VBP1: variants seen among roughly 807,000 people sequenced by gnomAD.
VBP1 encodes the protein VHL binding protein 1, also known as prefoldin subunit 3.
A neutral mutation model predicts 15.5 loss-of-function variants in VBP1; 4 were observed. The observed-to-expected ratio is 0.26, with a 90% CI of 0.13 to 0.59. The LOEUF is 0.59. Among genes scored for constraint, VBP1 ranks in the 20% least tolerant of loss-of-function variants. The pLI is 0.90. For synonymous variants in VBP1, 61 were observed against 52.1 expected (o/e 1.17, Z -0.74); for missense variants, 108 against 139.6 (o/e 0.77, Z 1.14).
chrX:155,210,961 C>G (rs1337514989), intron 2 of VBP1, among the ~76,000 whole-genome samples: 1 of 111,729 alleles, frequency 9.0e-6, no homozygotes, highest in East Asian at 2.8e-4. Flanking sequence ...TATTTTTGAG[C>G]CATCATCTGT....
upstream of VBP1, among the ~76,000 whole-genome samples, chrX:155,212,508 G>A (rs2074648330): frequency 9.0e-6 from 1 of 111,548 alleles, no homozygotes; most frequent in Admixed American, 9.5e-5. Flanking sequence ...TAGTACTAGT[G>A]CCCTGATGAC....
chrX:155,220,188 T>A lies in VBP1; in HGVS notation c.99T>A (p.Asp33Glu). The A allele has an allele frequency of 1.7e-6, 2 of 1,195,603 alleles. No homozygotes were observed. The highest frequency in any genetic ancestry group is 2.3e-6 in the Non-Finnish European group (2 of 888,128). The change falls in exon 2 of 6, where the codon GAT becomes GAA. Residue 33 changes from aspartate (D) to glutamate (E), a missense_variant. Transcript: ENST00000286428. ...LGIPEAVFVE[D>E]VDSFMKQPGN... ...TATTATTTTTGATATTAAAGGAAGA[T>A]GTAGATTCCTTCATGAAACAGCCTG...
chrX:155,209,670 G>C (rs1039529642), intron 2 of VBP1, among the ~76,000 whole-genome samples: 2 of 111,778 alleles, frequency 1.8e-5, no homozygotes, highest in African/African-American at 6.5e-5. Context: ...TCAGAGTATT[G>C]TTTTCTAGAA....
At chrX:155,201,066 G>A (rs1271060143) in intron 1 of VBP1, among the ~76,000 whole-genome samples, 1 of 111,563 alleles carries the variant, frequency 9.0e-6, no homozygotes, top group African/African-American at 3.3e-5. Context: ...GCAGGAAGAA[G>A]TTGAATCTCT....
chrX:155,222,134 AAAAT>A (rs1231516714), intron 2 of VBP1, among the ~76,000 whole-genome samples: 3 of 112,703 alleles, frequency 2.7e-5, no homozygotes, highest in Non-Finnish European at 5.6e-5. Flanking sequence ...TTGAAAAAGA[AAAAT>A]AAAGCCATTG....
chrX:155,216,758 A>G (rs1285648741), intron 1 of VBP1, among the ~76,000 whole-genome samples, 183 bp downstream of exon 1: 1 of 111,926 alleles, frequency 8.9e-6, no homozygotes, highest in Non-Finnish European at 1.9e-5. Context: ...CCCGCCCGGA[A>G]GAAACGTAGC....
intron 2 of VBP1, among the ~76,000 whole-genome samples, chrX:155,223,818 G>A (rs1376853767): frequency 9.3e-6 from 1 of 107,148 alleles, no homozygotes; most frequent in Non-Finnish European, 1.9e-5. Context: ...CGGCTGGCCG[G>A]GCGGGGGCTG....
chrX:155,223,548 A>T (rs973556098), intron 2 of VBP1, among the ~76,000 whole-genome samples: 3 of 112,172 alleles, frequency 2.7e-5, no homozygotes, highest in Non-Finnish European at 5.6e-5. Context: ...CCCAAGGCAG[A>T]AGAATTTTTC....
chrX:155,211,756 GTGAGGGATTTAAAACAGATGTCTATC>G (rs2074645827), upstream of VBP1, among the ~76,000 whole-genome samples: 1 of 112,165 alleles, frequency 8.9e-6, no homozygotes, highest in East Asian at 2.8e-4. Context: ...CCAGGAGGCT[GTGAGGGATTTAAAACAGATGTCTATC>G]TGAGGGACCC....
At chrX:155,233,559 TCA>T (rs2074757049) in intron 4 of VBP1, among the ~76,000 whole-genome samples, 1 of 112,165 alleles carries the variant, frequency 8.9e-6, no homozygotes, top group African/African-American at 3.2e-5. Flanking sequence ...CTCATCAGAG[TCA>T]CAGATTCCAG....
In VBP1 at chrX:155,239,032, A is replaced by T. The variant is rs1557311922; in HGVS notation, c.*190A>T. On this transcript the variant is annotated 3_prime_UTR_variant, in exon 6 of 6. Coordinates refer to ENST00000286428, the MANE Select transcript of VBP1 (RefSeq NM_003372.7). ...TTGACATTGTGATTTTTTTTTCCAC[A>T]TTTCTCAGCAAAGCTAATGGTATTT... 8 of 326,080 alleles carry T rather than the reference A, an allele frequency of 2.5e-5. No individual in the cohort carries two copies. The highest frequency in any genetic ancestry group is 4.1e-5 in the Non-Finnish European group (8 of 193,366). The allele number at this position is 326,080 out of a possible 1,213,427, so 26.9% of individuals were successfully genotyped here.
chrX:155,206,126 A>G (rs1438974150), intron 1 of VBP1, among the ~76,000 whole-genome samples: 4 of 112,267 alleles, frequency 3.6e-5, no homozygotes, highest in Non-Finnish European at 7.5e-5. Context: ...GACAAGTGCC[A>G]TGGAGAAATT....
intron 1 of VBP1, among the ~76,000 whole-genome samples, chrX:155,199,675 T>G (rs1400177469): frequency 4.5e-5 from 5 of 111,018 alleles, no homozygotes; most frequent in Non-Finnish European, 1.9e-5. Flanking sequence ...TAAAGACCAT[T>G]GAGGCTAGGA....
rs1201075313 is a variant in VBP1 at position 155,221,061 on chromosome X, C to T, written c.218+754C>T. On this transcript the variant is annotated intron_variant, in intron 2 of 5. Transcript: ENST00000286428. ...TAAAAAATAATTAGGCTGGGCCCGGCGGCTCGCACCTGTAATCCCAGCACT... is the reference window on the plus strand; with the variant it reads ...TAAAAAATAATTAGGCTGGGCCCGGTGGCTCGCACCTGTAATCCCAGCACT... Among the ~76,000 whole-genome samples the T allele has an allele frequency of 9.1e-5, 10 of 109,753 alleles. No individual in the cohort carries two copies. In the South Asian group the frequency reaches 1.6e-3, roughly 17 times the overall value.
intron 2 of VBP1, 131 bp downstream of exon 2, chrX:155,220,438 G>T (rs1207374156): frequency 1.9e-6 from 1 of 517,160 alleles, no homozygotes; most frequent in Admixed American, 5.3e-5. Flanking sequence ...TGTACCATAT[G>T]AAATTCCCAC....
intron 2 of VBP1, among the ~76,000 whole-genome samples, chrX:155,209,419 G>T (rs1557308344): frequency 8.9e-6 from 1 of 112,251 alleles, no homozygotes; most frequent in Non-Finnish European, 1.9e-5. Context: ...CACAGACACA[G>T]AGAGGGAAGC....
chrX:155,218,276 A>G (rs1266850902), intron 1 of VBP1, among the ~76,000 whole-genome samples: 2 of 111,976 alleles, frequency 1.8e-5, no homozygotes, highest in African/African-American at 3.3e-5. Flanking sequence ...TGGCCTCTAA[A>G]TAGACCAGGG....
intron 1 of VBP1, among the ~76,000 whole-genome samples, chrX:155,201,788 G>T (rs1311341016): frequency 6.5e-4 from 71 of 109,623 alleles, no homozygotes; most frequent in African/African-American, 2.4e-3. Context: ...GGAAATAAAG[G>T]CTATTCAATT....
At chrX:155,222,531 G>T (rs1436081220) in intron 2 of VBP1, among the ~76,000 whole-genome samples, 2 of 111,270 alleles carry the variant, frequency 1.8e-5, no homozygotes, top group Non-Finnish European at 3.8e-5. Context: ...CCTGGGAGAG[G>T]GGGAAATTTG....
Sources: allele counts gnomAD v4.1 joint callset (sites outside exome capture counted in the v4.1 genomes callset), GRCh38; gene constraint gnomAD v4.1.1; transcripts MANE v1.5; gene names NCBI Gene and HGNC (gene_info 2026-07-23, HGNC 2026-07-21).